The following DRC9 variants were observed in gnomAD, a reference collection of about 807,000 sequenced individuals.
DRC9 encodes the protein dynein regulatory complex protein 9.
chr3:197,954,992 A>G, the DRC9 span, among the ~76,000 whole-genome samples: 1 of 152,176 alleles, frequency 6.6e-6, no homozygotes, highest in African/African-American at 2.4e-5. Flanking sequence ...TCATGTTCCT[A>G]GGTCTCAGGT....
the DRC9 span, among the ~76,000 whole-genome samples, chr3:197,899,418 T>C: frequency 2.6e-5 from 4 of 152,260 alleles, no homozygotes; most frequent in Middle Eastern, 0.014. Flanking sequence ...TTGTGGAATA[T>C]ATAAACACAA....
the DRC9 span, among the ~76,000 whole-genome samples, chr3:197,911,645 AT>A: frequency 6.1e-4 from 90 of 147,422 alleles, no homozygotes; most frequent in Admixed American, 1.0e-3. Context: ...AGATTAGTAA[AT>A]TTTTTTTTTT....
chr3:197,956,897 T>G, the DRC9 span: 1 of 152,224 alleles, frequency 6.6e-6, no homozygotes, highest in Non-Finnish European at 1.5e-5. Flanking sequence ...CCCTGAGGGT[T>G]ACTGATCTCT....
chr3:197,953,595 C>T, the DRC9 span: 19 of 458,224 alleles, frequency 4.1e-5, no homozygotes, highest in African/African-American at 1.8e-4. Context: ...GGCATTTCCC[C>T]TCCCTTTCCA....
At chr3:197,956,026 TG>T in the DRC9 span, 5 of 478,730 alleles carry the variant, frequency 1.0e-5, no homozygotes, top group Non-Finnish European at 1.5e-5. Flanking sequence ...TGGAGTGTAG[TG>T]GTGCTCGCTG....
the DRC9 span, among the ~76,000 whole-genome samples, chr3:197,900,823 C>T: frequency 6.6e-6 from 1 of 152,214 alleles, no homozygotes; most frequent in Non-Finnish European, 1.5e-5. This position sits in a 1 kb window ranked among gnomAD's most constrained non-coding sequence, Gnocchi z 4.7. Context: ...GGGTGGCCTT[C>T]CTAGACACAC....
the DRC9 span, among the ~76,000 whole-genome samples, chr3:197,917,475 C>T: frequency 7.2e-5 from 11 of 152,156 alleles, no homozygotes; most frequent in Non-Finnish European, 7.3e-5. Context: ...ACAGAATATG[C>T]TATAGGCCCT....
At chr3:197,957,086 G>A in the DRC9 span, 1 of 152,196 alleles carries the variant, frequency 6.6e-6, no homozygotes, top group South Asian at 2.1e-4. Flanking sequence ...TGAAAGAAAG[G>A]ATTGGGTAGG....
At chr3:197,918,957 T>G in the DRC9 span, among the ~76,000 whole-genome samples, 1 of 152,052 alleles carries the variant, frequency 6.6e-6, no homozygotes, top group Non-Finnish European at 1.5e-5. Flanking sequence ...TACAGGCACC[T>G]GCCACTACGC....
chr3:197,899,903 C>T, the DRC9 span, among the ~76,000 whole-genome samples: 29,525 of 152,042 alleles, frequency 0.19, 4,549 homozygotes, highest in African/African-American at 0.43. Context: ...GAATTGCTGA[C>T]GACACTCTCC....
the DRC9 span, chr3:197,945,639 T>C: frequency 6.3e-7 from 1 of 1,583,704 alleles, no homozygotes; most frequent in Admixed American, 1.8e-5. Flanking sequence ...CTTCTGTAGC[T>C]TCGTTACCCT....
chr3:197,937,607 G>C, the DRC9 span, among the ~76,000 whole-genome samples: 1 of 152,016 alleles, frequency 6.6e-6, no homozygotes, highest in Middle Eastern at 3.4e-3. Context: ...TGGTGCCGAG[G>C]CACCTGAGAT....
chr3:197,892,559 CTCCCTCCTCAGTGAGCACCCTAATTCCTT>C, the DRC9 span: 5 of 1,580,608 alleles, frequency 3.2e-6, no homozygotes, highest in East Asian at 1.1e-4. Flanking sequence ...ATTCCTTCCA[CTCCCTCCTCAGTGAGCACCCTAATTCCTT>C]TCACTCTGTC....
chr3:197,955,688 T>C, the DRC9 span: 1 of 1,364,708 alleles, frequency 7.3e-7, no homozygotes. Flanking sequence ...GTATTACGGT[T>C]CTTGATTTGT....
chr3:197,904,025 T>C, the DRC9 span, among the ~76,000 whole-genome samples: 12 of 94,032 alleles, frequency 1.3e-4, no homozygotes, highest in African/African-American at 4.2e-4. Flanking sequence ...TATACATACA[T>C]ATATATATAC....
the DRC9 span, among the ~76,000 whole-genome samples, chr3:197,941,505 CCCTT>C: frequency 1.2e-5 from 1 of 83,330 alleles, no homozygotes; most frequent in Non-Finnish European, 2.3e-5. Flanking sequence ...CTCCCTTCCT[CCCTT>C]CCTTCCTTCC....
the DRC9 span, chr3:197,951,421 T>G: frequency 8.2e-7 from 1 of 1,226,026 alleles, no homozygotes; most frequent in Non-Finnish European, 1.2e-6. Context: ...TGACTTGGTC[T>G]CCCTCACCGA....
chr3:197,912,452 G>A, the DRC9 span: 3 of 468,980 alleles, frequency 6.4e-6, no homozygotes, highest in Admixed American at 3.8e-5. Context: ...TCTTATGTAA[G>A]CTCAATGATA....
chr3:197,911,785 G>A, the DRC9 span, among the ~76,000 whole-genome samples: 2 of 151,456 alleles, frequency 1.3e-5, no homozygotes, highest in East Asian at 2.0e-4. Context: ...GATTACAGGC[G>A]CCCGCCACCA....
Sources: allele counts gnomAD v4.1 joint callset (sites outside exome capture counted in the v4.1 genomes callset), GRCh38; gene constraint gnomAD v4.1.1; non-coding constraint Gnocchi (gnomAD v3.1); transcripts MANE v1.5; gene names NCBI Gene and HGNC (gene_info 2026-07-23, HGNC 2026-07-21).